Variants in CPZ observed in about 807,000 individuals in gnomAD.
CPZ encodes the protein carboxypeptidase Z, also known as VEZT/CPZ fusion.
In CPZ, 103 loss-of-function variants were observed where a neutral mutation model predicts 61.8. The ratio of observed to expected loss-of-function variants is 1.67; its 90% CI spans 1.42 to 1.96. The LOEUF is 1.96. Among genes scored for constraint, CPZ ranks in the 30% most tolerant of loss-of-function variants. The probability of loss-of-function intolerance (pLI) is 0.00; values close to 1 mark genes in which losing one functional copy is unlikely to be tolerated. For synonymous variants in CPZ, 551 were observed against 373.7 expected, an observed-to-expected ratio of 1.47 and a Z score of -5.47; for missense variants, 1,461 against 914.9, an observed-to-expected ratio of 1.60 and a Z score of -7.70.
chr4:8,609,028 T>TTCACTCCCTCCCTCCCTCACTCCC (rs1715297768), intron 7 of CPZ, among the ~76,000 whole-genome samples: 2 of 106,576 alleles, frequency 1.9e-5, no homozygotes, highest in Admixed American at 1.9e-4. Flanking sequence ...AACTCACTCC[T>TTCACTCCCTCCCTCCCTCACTCCC]TCACTCACCC....
At chr4:8,597,556 C>T (rs1457124981) in intron 1 of CPZ, 1 of 152,234 alleles carries the variant, frequency 6.6e-6, no homozygotes, top group Non-Finnish European at 1.5e-5. Context: ...CTGTGCTCAT[C>T]CCAGCGCGCG....
chr4:8,619,347 G>A lies in CPZ; in HGVS notation c.1689G>A (p.Lys563=), dbSNP rs781673041. 6.2e-7 allele frequency: 1 copy of A among 1,614,040 alleles called. No homozygotes were observed. The highest frequency in any genetic ancestry group is 8.5e-7 in the Non-Finnish European group (1 of 1,180,016). ...CCCCTGGCTACGCCAAAGTCATCAA[G>A]AAAGTCATCATCCCCGCCCGGATGA... ...AQAPGYAKVI[K]KVIIPARMKR... is the part of the protein sequence containing the mutation. Residue 563 remains lysine, a synonymous_variant, in exon 11 of 11, where the codon AAG becomes AAA. Transcript: ENST00000360986.
In CPZ at chr4:8,619,631, A is replaced by C. The variant is rs2109353390; in HGVS notation, c.*14A>C. On this transcript the variant is annotated 3_prime_UTR_variant, in exon 11 of 11. Coordinates refer to ENST00000360986, the MANE Select transcript of CPZ (RefSeq NM_001014447.3). The stretch of plus-strand genomic sequence containing the variant: ...CTCAAGTACTAGCCCCGGCCCCAGC[A>C]CCCGCCAGGATGTGGAGACCGAGGC... The C allele has an allele frequency of 1.5e-5, 22 of 1,469,356 alleles. No homozygotes were observed. Among genetic ancestry groups the C allele is most frequent in the Admixed American group, 2.6e-5 (1 of 39,074 alleles). The allele number at this position is 1,469,356 out of a possible 1,614,324, so 91.0% of individuals were successfully genotyped here.
intron 7 of CPZ, among the ~76,000 whole-genome samples, chr4:8,607,776 G>C (rs1045738202): frequency 6.6e-6 from 1 of 152,174 alleles, no homozygotes; most frequent in East Asian, 1.9e-4. Context: ...CCGCAGAGGG[G>C]TGCGTTTCCG....
At chr4:8,608,998 T>C (rs1560297530) in intron 7 of CPZ, among the ~76,000 whole-genome samples, 1 of 76,188 alleles carries the variant, frequency 1.3e-5, no homozygotes, top group Non-Finnish European at 2.8e-5. Context: ...ATTCACTCTT[T>C]CACTTGTTCA....
chr4:8,614,117 G>A (rs1449032699), intron 8 of CPZ, among the ~76,000 whole-genome samples: 1 of 152,254 alleles, frequency 6.6e-6, no homozygotes, highest in Non-Finnish European at 1.5e-5. Context: ...TCTGCAAAGT[G>A]GGGATCATAT....
At chr4:8,611,067 T>C (rs149337041) in intron 7 of CPZ, 36 of 360,590 alleles carry the variant, frequency 1.0e-4, no homozygotes, top group Middle Eastern at 7.8e-4. Context: ...CACTCACTCA[T>C]TCACTCATTC....
At chr4:8,608,327 T>A (rs559148952) in intron 7 of CPZ, among the ~76,000 whole-genome samples, 1 of 152,064 alleles carries the variant, frequency 6.6e-6, no homozygotes, top group South Asian at 2.1e-4. Flanking sequence ...TTTCCCTTGG[T>A]GTTTGGGGGA....
At chr4:8,614,657 T>G (rs747768648) in intron 9 of CPZ, among the ~76,000 whole-genome samples, 159 bp downstream of exon 9, 13 of 152,134 alleles carry the variant, frequency 8.5e-5, no homozygotes, top group Non-Finnish European at 1.5e-4. Context: ...CATGCACAAC[T>G]TGAGATACAG....
chr4:8,609,227 C>CTCCT (rs147997167), intron 7 of CPZ, among the ~76,000 whole-genome samples: 2 of 150,362 alleles, frequency 1.3e-5, no homozygotes, highest in Non-Finnish European at 3.0e-5. Context: ...CACTTACTCA[C>CTCCT]TCATTGTCAC....
chr4:8,603,741 T>C, intron 3 of CPZ: 1 of 575,414 alleles, frequency 1.7e-6, no homozygotes, highest in Non-Finnish European at 3.1e-6. Flanking sequence ...CCATAGTATG[T>C]TTACTCACAG....
intron 9 of CPZ, 143 bp from the exon 10 acceptor site, chr4:8,618,286 G>A (rs1389817207): frequency 2.9e-6 from 2 of 681,738 alleles, no homozygotes. Context: ...AGATGGCAGA[G>A]CGAGGGCTGG....
chr4:8,613,748 C>T (rs1460405100), intron 8 of CPZ, among the ~76,000 whole-genome samples: 1 of 152,234 alleles, frequency 6.6e-6, no homozygotes, highest in Non-Finnish European at 1.5e-5. Context: ...ACCCAGCTTG[C>T]TCTGAGGCCT....
chr4:8,601,084 A>C, intron 2 of CPZ, 39 bp from the exon 3 acceptor site: 1 of 1,528,838 alleles, frequency 6.5e-7, no homozygotes, highest in Admixed American at 1.9e-5. Context: ...GGTCAGGGCC[A>C]CTGCAGGAGG....
intron 5 of CPZ, among the ~76,000 whole-genome samples, chr4:8,606,402 G>C (rs945792081): frequency 1.3e-5 from 2 of 152,180 alleles, no homozygotes; most frequent in African/African-American, 2.4e-5. Context: ...GCGTGTGATA[G>C]AGGAAAATGA....
In CPZ at chr4:8,607,362, C is replaced by A; in HGVS notation, c.1164C>A (p.Tyr388Ter). 3 of 1,614,078 alleles carry A rather than the reference C, an allele frequency of 1.9e-6. No individual in the cohort carries two copies. Among genetic ancestry groups the A allele is most frequent in the Non-Finnish European group, 2.5e-6 (3 of 1,179,970 alleles). ...ATGGGGGCGACCTGGTGGTGTCCTA[C>A]CCCTTCGACTTCTCCAAGCACCCCC... ...SLHGGDLVVSYPFDFSKHPQE... is the reference protein window; with the variant it reads ...SLHGGDLVVS Residue 388 changes from tyrosine (Y) to a stop codon, truncating the protein, a stop_gained, in exon 7 of 11, where the codon TAC becomes TAA. Coordinates refer to ENST00000360986, the MANE Select transcript of CPZ (RefSeq NM_001014447.3). LOFTEE classifies it high-confidence loss of function.
At chr4:8,607,994 G>C (rs1172410435) in intron 7 of CPZ, among the ~76,000 whole-genome samples, 4 of 152,180 alleles carry the variant, frequency 2.6e-5, no homozygotes, top group Admixed American at 2.0e-4. Flanking sequence ...GATGAGACCC[G>C]TGATGATGCT....
chr4:8,595,062 A>G (rs949917989), intron 1 of CPZ, among the ~76,000 whole-genome samples: 4 of 152,238 alleles, frequency 2.6e-5, no homozygotes, highest in African/African-American at 4.8e-5. Flanking sequence ...GTGAGCCACC[A>G]CGCCTGGCCT....
chr4:8,602,014 CTTGG>C lies in CPZ; in HGVS notation c.496+518_496+521del, dbSNP rs1409449702. 4 of 152,936 alleles carry C rather than the reference CTTGG, an allele frequency of 2.6e-5. No homozygotes were observed. In the East Asian group the frequency reaches 7.7e-4, roughly 29 times the overall value. The allele number at this position is 152,936 out of a possible 1,614,324, so 9.5% of individuals were successfully genotyped here. ...CTGGAAGATCACACAGAGGGTTTGG[CTTGG>C]AGTGACTCCTCCAAGCAGGGTCTGC... On this transcript the variant is annotated intron_variant, in intron 3 of 10. Coordinates refer to ENST00000360986, the MANE Select transcript of CPZ (RefSeq NM_001014447.3).
Sources: allele counts gnomAD v4.1 joint callset (sites outside exome capture counted in the v4.1 genomes callset), GRCh38; gene constraint gnomAD v4.1.1; transcripts MANE v1.5; gene names NCBI Gene and HGNC (gene_info 2026-07-23, HGNC 2026-07-21).